DPP10: variants seen among roughly 807,000 people sequenced by gnomAD.
DPP10 encodes the protein dipeptidyl peptidase like 10, also known as inactive dipeptidyl peptidase 10.
Under a neutral mutation model 120.9 loss-of-function variants are expected in DPP10, and 33 were observed. The observed-to-expected ratio is 0.27, with a 90% confidence interval of 0.21 to 0.37. DPP10 has a LOEUF of 0.37. DPP10 is among the 10% of genes least tolerant of loss of function. The probability of loss-of-function intolerance (pLI) is 1.00; values close to 1 mark genes in which losing one functional copy is unlikely to be tolerated. For synonymous variants in DPP10, 337 were observed against 326.1 expected (o/e 1.03, Z -0.36); for missense variants, 816 against 942.8 (o/e 0.87, Z 1.76).
Position 115,584,119 on chromosome 2 carries a change from T to C in DPP10, c.441+58147T>C, listed in dbSNP as rs566484276. Among the ~76,000 whole-genome samples the C allele has an allele frequency of 4.2e-4, 64 of 152,352 alleles. 1 individual carries two copies. In the South Asian group the frequency reaches 0.011, roughly 26 times the overall value. ...CCCAAACTGCTGCAATTCTGTATCA[T>C]GTTGACCATTTTTACCATATCAGGG... On this transcript the variant is annotated intron_variant, in intron 5 of 25. Coordinates refer to ENST00000410059, the MANE Select transcript of DPP10 (RefSeq NM_020868.6).
intron 3 of DPP10, among the ~76,000 whole-genome samples, chr2:115,492,547 C>T (rs13030726): frequency 0.28 from 42,369 of 151,558 alleles, 6,651 homozygotes; most frequent in East Asian, 0.41. Flanking sequence ...CTTAGATGGG[C>T]GGTCTATTTT....
At chr2:114,538,893 A>G (rs899313842) in intron 1 of DPP10, among the ~76,000 whole-genome samples, 4 of 152,150 alleles carry the variant, frequency 2.6e-5, no homozygotes, top group Non-Finnish European at 5.9e-5. Flanking sequence ...CGTTAGGCCC[A>G]TAAGAGCTTC....
chr2:114,568,049 TAAAAA>T (rs34026877), intron 1 of DPP10, among the ~76,000 whole-genome samples: 1 of 127,578 alleles, frequency 7.8e-6, no homozygotes, highest in Non-Finnish European at 1.6e-5. Flanking sequence ...AGAGATACTG[TAAAAA>T]AAAAAAAAAA....
chr2:115,646,642 T>A (rs558507082), intron 5 of DPP10, among the ~76,000 whole-genome samples: 6 of 152,194 alleles, frequency 3.9e-5, no homozygotes, highest in African/African-American at 1.4e-4. Context: ...TTTGACACCA[T>A]TTAAAAACAT....
rs113037527 is a variant in DPP10, at chr2:114,979,297, A to T, written c.61-329942A>T. On this transcript the variant is annotated intron_variant, in intron 1 of 25. Coordinates refer to ENST00000410059, the MANE Select transcript of DPP10 (RefSeq NM_020868.6). ...AAAAAAATTTAATTAAAATAAATTT[A>T]AAAATTCTTCTAAAATCTTAAAATT... Among the ~76,000 whole-genome samples the T allele has an allele frequency of 6.0e-3, 906 of 152,150 alleles. 10 individuals are homozygous for T. Among genetic ancestry groups the T allele is most frequent in the Middle Eastern group, 0.034 (10 of 292 alleles).
At chr2:115,124,341 A>G (rs1176403142) in intron 1 of DPP10, among the ~76,000 whole-genome samples, 1 of 152,108 alleles carries the variant, frequency 6.6e-6, no homozygotes, top group Non-Finnish European at 1.5e-5. Context: ...AGCATTCTTG[A>G]TTCACCTCTG....
At chr2:114,461,404 C>A (rs933505784) in intron 1 of DPP10, among the ~76,000 whole-genome samples, 3 of 152,168 alleles carry the variant, frequency 2.0e-5, no homozygotes, top group Non-Finnish European at 4.4e-5. Context: ...CTTTCCTGAT[C>A]CCATTGGTTC....
At chr2:115,071,743 G>A (rs1320933811) in intron 1 of DPP10, among the ~76,000 whole-genome samples, 4 of 152,120 alleles carry the variant, frequency 2.6e-5, no homozygotes, top group African/African-American at 9.7e-5. Flanking sequence ...GTAGGTGAGG[G>A]CGTGGCTGAG....
chr2:114,476,208 T>C (rs1680358511), intron 1 of DPP10, among the ~76,000 whole-genome samples: 1 of 152,238 alleles, frequency 6.6e-6, no homozygotes, highest in South Asian at 2.1e-4. Flanking sequence ...TAATGTGTAT[T>C]TAATGGATAT....
chr2:114,731,491 G>A (rs545234008), intron 1 of DPP10, among the ~76,000 whole-genome samples: 13 of 152,216 alleles, frequency 8.5e-5, no homozygotes, highest in South Asian at 2.1e-4. Flanking sequence ...TGTACCTTCC[G>A]TGGGATACTT....
At chr2:115,784,996 C>T (rs1473266446) in intron 17 of DPP10, among the ~76,000 whole-genome samples, 1 of 152,122 alleles carries the variant, frequency 6.6e-6, no homozygotes, top group Non-Finnish European at 1.5e-5. Flanking sequence ...TTACTCAGTG[C>T]CCTGGGCATC....
chr2:115,356,893 T>A (rs2064431616), intron 3 of DPP10, among the ~76,000 whole-genome samples: 1 of 152,166 alleles, frequency 6.6e-6, no homozygotes, highest in Admixed American at 6.5e-5. Flanking sequence ...AGTAATGGGA[T>A]TGCTGGATTA....
At chr2:114,602,842 T>A (rs1404068060) in intron 1 of DPP10, among the ~76,000 whole-genome samples, 1 of 152,110 alleles carries the variant, frequency 6.6e-6, no homozygotes, top group Non-Finnish European at 1.5e-5. Flanking sequence ...TGTTGTTTGC[T>A]TTTACGTTTG....
chr2:114,718,527 ATAGT>A (rs1464654709), intron 1 of DPP10, among the ~76,000 whole-genome samples: 2 of 152,002 alleles, frequency 1.3e-5, no homozygotes, highest in African/African-American at 4.8e-5. Flanking sequence ...ATCATCACAG[ATAGT>A]TAGTTCTATG....
At chr2:115,836,454 C>G (rs1156857634) in intron 22 of DPP10, 53 bp from the exon 23 acceptor site, 2 of 1,562,494 alleles carry the variant, frequency 1.3e-6, no homozygotes, top group African/African-American at 2.8e-5. Flanking sequence ...ATGAAATATG[C>G]CAGTCAAATA....
At position 114,870,708 on chromosome 2, in the gene DPP10, A is replaced by G. The variant is rs921874000; in HGVS notation, c.60+427870A>G. 9.5e-5 allele frequency among the ~76,000 whole-genome samples: 13 copies of G among 136,226 alleles called. 2 individuals carry two copies. The allele number at this position is 136,226 out of a possible 152,430, so 89.4% of individuals were successfully genotyped here. On this transcript the variant is annotated intron_variant, in intron 1 of 25. Coordinates refer to ENST00000410059, the MANE Select transcript of DPP10 (RefSeq NM_020868.6). ...GTTTTTACTAAAAAAAATGATTCCA[A>G]TGGTCAGGTAAGATAAGATTTACAA...
chr2:115,131,284 G>A (rs948984097), intron 1 of DPP10, among the ~76,000 whole-genome samples: 1 of 152,220 alleles, frequency 6.6e-6, no homozygotes. Flanking sequence ...GGAGGCCAAG[G>A]CAGGAGCATT....
At chr2:115,628,743 A>G (rs947241554) in intron 5 of DPP10, among the ~76,000 whole-genome samples, 1 of 152,020 alleles carries the variant, frequency 6.6e-6, no homozygotes, top group Admixed American at 6.6e-5. Context: ...GTGGCTAGCC[A>G]GTTCTCCCAG....
rs578088168 is a variant in DPP10, at chr2:115,255,407, G to C, written c.61-53832G>C. 2.4e-4 allele frequency among the ~76,000 whole-genome samples: 37 copies of C among 152,320 alleles called. No individual in the cohort carries two copies. In the South Asian group the frequency reaches 7.7e-3, roughly 32 times the overall value. On this transcript the variant is annotated intron_variant, in intron 1 of 25. Transcript: ENST00000410059. ...TTCCTTCCTGTGCCTCTTGGCCTGT[G>C]ATAGGAGGGGCTGCCACAGAGGTCT...
Sources: allele counts gnomAD v4.1 joint callset (sites outside exome capture counted in the v4.1 genomes callset), GRCh38; gene constraint gnomAD v4.1.1; transcripts MANE v1.5; gene names NCBI Gene and HGNC (gene_info 2026-07-23, HGNC 2026-07-21).